Variants in DMD observed in about 807,000 individuals in gnomAD.
DMD encodes mutant dystrophin.
Under a neutral mutation model 330.1 loss-of-function variants are expected in DMD, and 63 were observed. That is an observed-to-expected ratio of 0.19 (90% CI 0.16 to 0.24). DMD has a LOEUF of 0.24. Ranked by LOEUF, DMD falls within the 10% of genes least tolerant of loss-of-function variation. The pLI, the probability that DMD is intolerant of heterozygous loss-of-function variation, is 1.00. For missense variants in DMD, 3,344 were observed against 2,684.1 expected, an observed-to-expected ratio of 1.25 and a Z score of -5.43; for synonymous variants, 1,223 against 959.8, an observed-to-expected ratio of 1.27 and a Z score of -5.07.
At chrX:32,513,237 C>G (rs1005835343) in intron 18 of DMD, among the ~76,000 whole-genome samples, 1 of 112,195 alleles carries the variant, frequency 8.9e-6, no homozygotes, top group African/African-American at 3.2e-5. Context: ...CAAAGCCTAA[C>G]TGAAGTGCCA....
At chrX:31,750,277 G>C (rs1161098373) in intron 51 of DMD, among the ~76,000 whole-genome samples, 2 of 106,668 alleles carry the variant, frequency 1.9e-5, no homozygotes, top group African/African-American at 6.9e-5. Context: ...TATGGTTTTA[G>C]GTCTAACGTT....
intron 59 of DMD, among the ~76,000 whole-genome samples, chrX:31,459,174 G>A (rs1280923142): frequency 2.7e-5 from 3 of 111,488 alleles, no homozygotes; most frequent in East Asian, 2.8e-4. Context: ...GTAAAATGCC[G>A]TTGCATACAG....
intron 7 of DMD, among the ~76,000 whole-genome samples, chrX:32,769,651 A>C (rs989200859): frequency 1.8e-4 from 20 of 111,988 alleles, no homozygotes; most frequent in Non-Finnish European, 3.8e-4. Flanking sequence ...AATAGAATTC[A>C]GTTGCACCAG....
At chrX:31,888,803 A>G (rs920805337) in intron 47 of DMD, among the ~76,000 whole-genome samples, 3 of 112,463 alleles carry the variant, frequency 2.7e-5, no homozygotes, top group Non-Finnish European at 3.8e-5. Context: ...TTAAAACTAT[A>G]AATCCATATA....
chrX:31,857,408 A>AAAG (rs2093633813), intron 48 of DMD, among the ~76,000 whole-genome samples: 2 of 102,207 alleles, frequency 2.0e-5, no homozygotes, highest in Admixed American at 1.1e-4. Context: ...AAAAAAAAAA[A>AAAG]AGAGAATACC....
chrX:33,192,857 T>G (rs1474109159), intron 1 of DMD, among the ~76,000 whole-genome samples: 1 of 112,136 alleles, frequency 8.9e-6, no homozygotes, highest in Non-Finnish European at 1.9e-5. Flanking sequence ...ACTCTTACCT[T>G]GCGACTTATG....
intron 41 of DMD, among the ~76,000 whole-genome samples, chrX:32,335,081 T>C (rs187258019): frequency 9.0e-6 from 1 of 111,445 alleles, no homozygotes; most frequent in Admixed American, 9.7e-5. Flanking sequence ...GTGATCAAAC[T>C]AGATGCATGT....
At chrX:33,257,903 A>G (rs2052884267) in intron 1 of DMD, among the ~76,000 whole-genome samples, 1 of 110,837 alleles carries the variant, frequency 9.0e-6, no homozygotes, top group African/African-American at 3.3e-5. Context: ...CTGCATTTAT[A>G]TAGAGGCTCT....
At chrX:32,092,932 C>A (rs1444013993) in intron 44 of DMD, among the ~76,000 whole-genome samples, 5 of 109,432 alleles carry the variant, frequency 4.6e-5, no homozygotes, top group Admixed American at 2.0e-4. Context: ...CACTAAGTGA[C>A]CTTACACTCA....
At chrX:33,011,879 C>T (rs2093708255) in intron 2 of DMD, among the ~76,000 whole-genome samples, 1 of 111,446 alleles carries the variant, frequency 9.0e-6, no homozygotes. Flanking sequence ...GGTTTTTTTG[C>T]TAGCAACTAT....
chrX:31,577,340 G>A (rs1451361318), intron 55 of DMD, among the ~76,000 whole-genome samples: 1 of 112,173 alleles, frequency 8.9e-6, no homozygotes, highest in Non-Finnish European at 1.9e-5. Context: ...CTTTTGGTGA[G>A]TGCCAGATCA....
intron 1 of DMD, among the ~76,000 whole-genome samples, chrX:33,143,223 A>G (rs2047881973): frequency 9.0e-6 from 1 of 111,145 alleles, no homozygotes. Flanking sequence ...TGGTACTAGA[A>G]TTACATTTTT....
intron 44 of DMD, among the ~76,000 whole-genome samples, chrX:32,164,231 C>T (rs2096859945): frequency 9.0e-6 from 1 of 111,517 alleles, no homozygotes; most frequent in African/African-American, 3.3e-5. Context: ...GTGGAAGCAA[C>T]TTTAGAACTG....
intron 1 of DMD, among the ~76,000 whole-genome samples, chrX:33,027,407 C>A (rs776512281): frequency 1.8e-5 from 2 of 112,537 alleles, no homozygotes; most frequent in East Asian, 5.6e-4. Context: ...CTTCTGGCAT[C>A]ATGATTTGAG....
chrX:32,892,258 G>T (rs1210300118), intron 2 of DMD, among the ~76,000 whole-genome samples: 1 of 112,067 alleles, frequency 8.9e-6, no homozygotes, highest in Non-Finnish European at 1.9e-5. Context: ...TCCAGTACTG[G>T]CAACATTACT....
intron 16 of DMD, among the ~76,000 whole-genome samples, chrX:32,550,040 G>C (rs228384): frequency 9.0e-6 from 1 of 111,143 alleles, no homozygotes; most frequent in South Asian, 3.7e-4. Flanking sequence ...TTGTACGAAC[G>C]CCGTGGAGTG....
At chrX:33,028,225 A>G (rs2094038397) in intron 1 of DMD, among the ~76,000 whole-genome samples, 1 of 111,523 alleles carries the variant, frequency 9.0e-6, no homozygotes, top group African/African-American at 3.3e-5. Context: ...TGCATTCAAG[A>G]TGTGTTTACG....
chrX:32,492,199 G>T (rs1013635245), intron 19 of DMD, among the ~76,000 whole-genome samples: 5 of 111,168 alleles, frequency 4.5e-5, no homozygotes, highest in African/African-American at 6.5e-5. Context: ...TTAGCCGGGC[G>T]TGGTGGCGGG....
chrX:33,204,578 C>CA (rs375709311), intron 1 of DMD, among the ~76,000 whole-genome samples: 250 of 111,528 alleles, frequency 2.2e-3, no homozygotes, highest in African/African-American at 7.8e-3. Context: ...CCCTTATCTC[C>CA]AATGCAAGTA....
Sources: gnomAD v4.1 joint callset for allele counts (sites outside exome capture counted in the v4.1 genomes callset) on GRCh38, gnomAD v4.1.1 for gene constraint, MANE v1.5 for transcripts, NCBI Gene and HGNC (gene_info 2026-07-23, HGNC 2026-07-21) for gene names.